CAND1: variants seen among roughly 807,000 people sequenced by gnomAD.
CAND1 encodes the protein cullin-associated NEDD8-dissociated protein 1.
CAND1 carries 7 observed loss-of-function variants against 108.5 expected under a neutral mutation model. That is an observed-to-expected ratio of 0.06 (90% CI 0.04 to 0.12). CAND1 has a LOEUF of 0.12. Among genes scored for constraint, CAND1 ranks in the 10% least tolerant of loss-of-function variants. The pLI is 1.00. For missense variants in CAND1, 941 were observed against 1,448.7 expected, an observed-to-expected ratio of 0.65 and a Z score of 5.69; for synonymous variants, 534 against 512.0, an observed-to-expected ratio of 1.04 and a Z score of -0.58.
intron 2 of CAND1, among the ~76,000 whole-genome samples, chr12:67,290,383 T>C (rs775310): frequency 0.74 from 113,064 of 151,872 alleles, 43,033 homozygotes; most frequent in African/African-American, 0.9. Context: ...TGTTGGTATA[T>C]ACTTGTAGTC....
chr12:67,311,841 A>G (rs1486590799), intron 14 of CAND1, 41 bp downstream of exon 14: 2 of 1,137,278 alleles, frequency 1.8e-6, no homozygotes, highest in Admixed American at 1.7e-5. Context: ...GACTTGGTGT[A>G]TTGGGGATTC....
At chr12:67,283,911 A>G (rs2044643923) in intron 2 of CAND1, among the ~76,000 whole-genome samples, 2 of 152,170 alleles carry the variant, frequency 1.3e-5, no homozygotes, top group Admixed American at 1.3e-4. Flanking sequence ...ATTCAAGAAA[A>G]TAAAGGAATT....
Position 67,305,568 on chromosome 12 carries a change from C to A in CAND1, c.1900C>A (p.Leu634Met). 1.2e-6 allele frequency: 2 copies of A among 1,614,138 alleles called. No homozygotes were observed. The highest frequency in any genetic ancestry group is 1.7e-6 in the Non-Finnish European group (2 of 1,180,018). ...GTTAACTACAGTAAAGGCATTGACA[C>A]TGATTGCTGGGTCACCTTTGAAGAT... ...TRLTTVKALTLIAGSPLKIDL... is the reference protein window; with the variant it reads ...TRLTTVKALTMIAGSPLKIDL... The change falls in exon 10 of 15, where the codon CTG (leucine) becomes ATG (methionine). Residue 634 changes from leucine (L) to methionine (M), a missense_variant. This residue lies in a region of CAND1 where 697 missense variants were observed against 942.0 expected (regional missense o/e 0.74). Transcript: ENST00000545606. The surrounding 1 kb of genome is among the most constrained non-coding windows in gnomAD (Gnocchi z 4.4).
intron 14 of CAND1, among the ~76,000 whole-genome samples, chr12:67,312,232 A>G (rs1199526069): frequency 6.6e-6 from 1 of 151,858 alleles, no homozygotes. Flanking sequence ...ATGTCATCAT[A>G]TGGTGTGTTT....
chr12:67,292,607 T>C lies in CAND1; in HGVS notation c.213-15T>C. On this transcript the variant is annotated splice_polypyrimidine_tract_variant and intron_variant, in intron 2 of 14. Coordinates refer to ENST00000545606, the MANE Select transcript of CAND1 (RefSeq NM_018448.5). ...TATCTAGCTTTTTTTAAACAATTTC[T>C]TCTTTGTATTACAGTCTTGGTCCTT... 1 of 1,567,286 alleles carries C rather than the reference T, an allele frequency of 6.4e-7. No homozygotes were observed. Among genetic ancestry groups the C allele is most frequent in the South Asian group, 1.2e-5 (1 of 84,164 alleles).
intron 2 of CAND1, among the ~76,000 whole-genome samples, chr12:67,282,410 A>T (rs1254090355): frequency 6.6e-6 from 1 of 152,142 alleles, no homozygotes; most frequent in Non-Finnish European, 1.5e-5. Flanking sequence ...TTTAAAATGA[A>T]ATGACTAAGG....
rs2044869762 is a variant in CAND1 at position 67,305,325 on chromosome 12, T to C, written c.1657T>C (p.Leu553=). The change falls in exon 10 of 15, where the codon TTA becomes CTA. Residue 553 remains leucine (L), a synonymous_variant. Transcript: ENST00000545606. The surrounding 1 kb of genome is among the most constrained non-coding windows in gnomAD (Gnocchi z 4.4). ...ACAGCTTGTCAAAGTAATTCGTCCT[T>C]TAGATCAGCCTTCCTCGTTTGATGC... is the stretch of plus-strand genomic sequence containing the variant. ...TQQLVKVIRP[L]DQPSSFDATP... The C allele has an allele frequency of 6.2e-7, 1 of 1,614,034 alleles. No homozygotes were observed. Among genetic ancestry groups the C allele is most frequent in the African/African-American group, 1.3e-5 (1 of 74,914 alleles).
rs533448121 is a variant in CAND1 at position 67,274,197 on chromosome 12, A to G, written c.68+4412A>G. Among the ~76,000 whole-genome samples, 103 of 152,200 alleles carry G rather than the reference A, an allele frequency of 6.8e-4. 4 individuals are homozygous for G. In the South Asian group the frequency reaches 0.021, roughly 30 times the overall value. On this transcript the variant is annotated intron_variant, in intron 1 of 14. Transcript: ENST00000545606. Reference sequence around the variant, plus strand: ...AAGATGCTTTTAATAATTCCTGAGGACTACAAAAAGTTTAAGATCTGGTGC... The same window carrying G: ...AAGATGCTTTTAATAATTCCTGAGGGCTACAAAAAGTTTAAGATCTGGTGC...
chr12:67,273,546 C>G (rs2044542309), intron 1 of CAND1, among the ~76,000 whole-genome samples: 1 of 150,002 alleles, frequency 6.7e-6, no homozygotes, highest in South Asian at 2.1e-4. Context: ...AGTGGCACCA[C>G]CTCAACTCAC....
chr12:67,312,037 T>G (rs1486842224), intron 14 of CAND1, among the ~76,000 whole-genome samples: 1 of 152,216 alleles, frequency 6.6e-6, no homozygotes, highest in African/African-American at 2.4e-5. Context: ...CTGATACATA[T>G]TTGAAGTACT....
At position 67,302,346 on chromosome 12, in the gene CAND1, G is replaced by A; in HGVS notation, c.1024G>A (p.Asp342Asn). 6.2e-7 allele frequency: 1 copy of A among 1,613,740 alleles called. No individual in the cohort carries two copies. Among genetic ancestry groups the A allele is most frequent in the Non-Finnish European group, 8.5e-7 (1 of 1,179,936 alleles). ...DQGSDDEYSD[D>N]DDMSWKVRRA... ...AGGGAGTGATGATGAATACAGTGAT[G>A]ATGATGACATGAGTTGGAAAGTGAG... Residue 342 changes from aspartate (D) to asparagine (N), a missense_variant, in exon 8 of 15, where the codon GAT becomes AAT. By Grantham distance (23) the Asp-to-Asn change is conservative. Coordinates refer to ENST00000545606, the MANE Select transcript of CAND1 (RefSeq NM_018448.5).
Position 67,305,271 on chromosome 12 carries a change from A to G in CAND1, c.1603A>G (p.Ile535Val). The change falls in exon 10 of 15, where the codon ATT becomes GTT. Residue 535 changes from isoleucine to valine, a missense_variant. Coordinates refer to ENST00000545606, the MANE Select transcript of CAND1 (RefSeq NM_018448.5). The surrounding 1 kb of genome is among the most constrained non-coding windows in gnomAD (Gnocchi z 4.4). ...TTGTGTTGGAGACCCATTTTACAAAATTACATCTGAAGCACTTCTTGTTAC... is the reference window on the plus strand; with the variant it reads ...TTGTGTTGGAGACCCATTTTACAAAGTTACATCTGAAGCACTTCTTGTTAC... The part of the protein sequence containing the change: ...VACVGDPFYK[I>V]TSEALLVTQQ... 6.2e-7 allele frequency: 1 copy of G among 1,614,170 alleles called. No individual in the cohort carries two copies. Among genetic ancestry groups the G allele is most frequent in the East Asian group, 2.2e-5 (1 of 44,882 alleles).
At chr12:67,304,863 A>G (rs1401096594) in intron 9 of CAND1, 117 bp downstream of exon 9, 3 of 1,222,982 alleles carry the variant, frequency 2.5e-6, no homozygotes, top group East Asian at 2.5e-5. Flanking sequence ...TAATATGCAC[A>G]TAGAGCTAAC....
chr12:67,287,770 A>G (rs1010979571), intron 2 of CAND1, among the ~76,000 whole-genome samples: 15 of 147,538 alleles, frequency 1.0e-4, no homozygotes, highest in African/African-American at 3.7e-4. Flanking sequence ...AAAGGTATAT[A>G]TTTTCCTCTA....
Position 67,306,606 on chromosome 12 carries a change from C to G in CAND1, c.2929+9C>G. ...GGGGTACTTGATATCAGGTAGGTAT[C>G]TAGATTTTCTTACTTAAAAAGTTTT... On this transcript the variant is annotated intron_variant, in intron 10 of 14. Coordinates refer to ENST00000545606, the MANE Select transcript of CAND1 (RefSeq NM_018448.5). 6.4e-7 allele frequency: 1 copy of G among 1,556,782 alleles called. No homozygotes were observed. The highest frequency in any genetic ancestry group is 1.4e-5 in the African/African-American group (1 of 72,352).
chr12:67,270,439 G>A (rs1864689098), intron 1 of CAND1: 2 of 152,384 alleles, frequency 1.3e-5, no homozygotes, highest in African/African-American at 4.8e-5. Context: ...AGTTCCTCTT[G>A]TCAGGTAAAA....
At chr12:67,278,068 CA>C (rs2044586116) in intron 1 of CAND1, among the ~76,000 whole-genome samples, 1 of 152,170 alleles carries the variant, frequency 6.6e-6, no homozygotes, top group Admixed American at 6.5e-5. Flanking sequence ...ATATGGTCTA[CA>C]AATCCTTTAA....
At chr12:67,273,925 T>G (rs1416174762) in intron 1 of CAND1, among the ~76,000 whole-genome samples, 2 of 152,198 alleles carry the variant, frequency 1.3e-5, no homozygotes, top group Non-Finnish European at 2.9e-5. Flanking sequence ...CCTTACAACT[T>G]TAGTAAAAGA....
rs2044870372 is a variant in CAND1 at position 67,305,359 on chromosome 12, A to C, written c.1691A>C (p.Tyr564Ser). The C allele has an allele frequency of 2.5e-6, 4 of 1,614,026 alleles. No individual in the cohort carries two copies. The highest frequency in any genetic ancestry group is 2.5e-6 in the Non-Finnish European group (3 of 1,180,022). Residue 564 changes from tyrosine to serine, a missense_variant, in exon 10 of 15, where the codon TAT (tyrosine) becomes TCT (serine). This residue lies in a region of CAND1 where 697 missense variants were observed against 942.0 expected (regional missense o/e 0.74). Coordinates refer to ENST00000545606, the MANE Select transcript of CAND1 (RefSeq NM_018448.5). The surrounding 1 kb of genome is among the most constrained non-coding windows in gnomAD (Gnocchi z 4.4). ...DQPSSFDATP[Y>S]IKDLFTCTIK... is the part of the protein sequence containing the mutation. ...CCTTCCTCGTTTGATGCAACTCCTT[A>C]TATCAAAGATCTATTTACCTGTACC...
Sources: allele counts gnomAD v4.1 joint callset (sites outside exome capture counted in the v4.1 genomes callset), GRCh38; gene constraint gnomAD v4.1.1; regional missense constraint gnomAD v4.1.1; non-coding constraint Gnocchi (gnomAD v3.1); transcripts MANE v1.5; gene names NCBI Gene and HGNC (gene_info 2026-07-23, HGNC 2026-07-21).